NTRK3: variants seen among roughly 807,000 people sequenced by gnomAD.
The protein encoded by NTRK3 is NT-3 growth factor receptor.
Under a neutral mutation model 91.7 loss-of-function variants are expected in NTRK3, and 24 were observed. The ratio of observed to expected loss-of-function variants is 0.26; its 90% CI spans 0.19 to 0.37. The LOEUF (loss-of-function observed/expected upper bound fraction) is 0.37, where lower values mean the gene tolerates loss of function less well. Among genes scored for constraint, NTRK3 ranks in the 10% least tolerant of loss-of-function variants. The probability of loss-of-function intolerance (pLI) is 1.00; values close to 1 mark genes in which losing one functional copy is unlikely to be tolerated. For synonymous variants in NTRK3, 483 were observed against 404.0 expected (o/e 1.20, Z -2.34); for missense variants, 880 against 1,068.9 (o/e 0.82, Z 2.46).
chr15:87,886,311 G>A (rs1283023193), intron 17 of NTRK3, among the ~76,000 whole-genome samples: 1 of 151,926 alleles, frequency 6.6e-6, no homozygotes, highest in African/African-American at 2.4e-5. Context: ...ACCTCTAGGA[G>A]TCTTAGAAAG....
intron 13 of NTRK3, among the ~76,000 whole-genome samples, chr15:88,059,040 TCACACACAAACA>T (rs1253546780): frequency 2.7e-4 from 39 of 142,474 alleles, no homozygotes; most frequent in African/African-American, 9.1e-4. Context: ...TTTATTTCAC[TCACACACAAACA>T]CACACACACA....
chr15:88,234,473 A>G lies in NTRK3; in HGVS notation c.248+21433T>C, dbSNP rs573774012. On this transcript the variant is annotated intron_variant, in intron 3 of 18. Transcript: ENST00000394480. The surrounding 1 kb of genome is among the most constrained non-coding windows in gnomAD (Gnocchi z 6.1). ...TCCCCAGCCAGAATGAACTTTCTTC[A>G]GCTTCTTAAAGACACCATTGCTTCA... Among the ~76,000 whole-genome samples the G allele has an allele frequency of 6.6e-6, 1 of 152,278 alleles. No individual in the cohort carries two copies. Among genetic ancestry groups the G allele is most frequent in the East Asian group, 1.9e-4 (1 of 5,172 alleles).
At chr15:87,938,293 T>G (rs1323375422) in intron 15 of NTRK3, among the ~76,000 whole-genome samples, 3 of 152,218 alleles carry the variant, frequency 2.0e-5, no homozygotes, top group African/African-American at 7.2e-5. Context: ...TTGGGAAAAC[T>G]TTATTGTGGG....
intron 3 of NTRK3, among the ~76,000 whole-genome samples, chr15:88,193,862 C>T (rs1158906668): frequency 6.6e-6 from 1 of 152,198 alleles, no homozygotes; most frequent in Non-Finnish European, 1.5e-5. Context: ...TCCATGTCCT[C>T]CTCCAGCTAC....
At chr15:88,070,428 T>G (rs28673497) in intron 13 of NTRK3, among the ~76,000 whole-genome samples, 14,307 of 151,960 alleles carry the variant, frequency 0.094, 1,106 homozygotes, top group African/African-American at 0.22. Context: ...TTCTGGCCAT[T>G]CACATACAGA....
chr15:88,065,582 CAG>C (rs2046580801), intron 13 of NTRK3, among the ~76,000 whole-genome samples: 1 of 152,154 alleles, frequency 6.6e-6, no homozygotes, highest in South Asian at 2.1e-4. Context: ...ATACCCCTAC[CAG>C]ATGCCATCTG....
rs114621543 is a variant in NTRK3, at chr15:88,146,435, A to G, written c.464+900T>C. ...TGCGTCACCAAGTAAGAGGGAACAC[A>G]TGAGCGGTGTCTCTGGAACCCTGAC... On this transcript the variant is annotated intron_variant, in intron 6 of 18. Transcript: ENST00000394480. Among the ~76,000 whole-genome samples the G allele has an allele frequency of 9.1e-3, 1,383 of 152,350 alleles. 30 individuals carry two copies. Among genetic ancestry groups the G allele is most frequent in the African/African-American group, 0.031 (1,297 of 41,570 alleles).
At chr15:87,907,931 G>A (rs2066867511) in intron 17 of NTRK3, among the ~76,000 whole-genome samples, 1 of 152,136 alleles carries the variant, frequency 6.6e-6, no homozygotes, top group Non-Finnish European at 1.5e-5. Context: ...AGTCACAGAG[G>A]ATCTGTAGTG....
Position 87,880,264 on chromosome 15 carries a change from T to G in NTRK3, c.2292+6A>C. ...CAATCAAGATTCCTACGCACCCCCT[T>G]TTTACCTCCGTGTTTGAGAGTTGGA... On this transcript the variant is annotated splice_donor_region_variant and intron_variant, in intron 18 of 18. Coordinates refer to ENST00000394480, the Ensembl canonical transcript of NTRK3. The G allele has an allele frequency of 6.2e-7, 1 of 1,613,962 alleles. No homozygotes were observed. The highest frequency in any genetic ancestry group is 8.5e-7 in the Non-Finnish European group (1 of 1,179,980).
chr15:88,128,605 A>C, intron 11 of NTRK3, 106 bp downstream of exon 11: 1 of 1,203,690 alleles, frequency 8.3e-7, no homozygotes, highest in Non-Finnish European at 1.2e-6. Context: ...CTCAGCTGCC[A>C]TGGGCCAGGG....
intron 3 of NTRK3, among the ~76,000 whole-genome samples, chr15:88,239,228 G>A (rs539331419): frequency 4.6e-5 from 7 of 151,434 alleles, no homozygotes; most frequent in South Asian, 2.1e-4. Flanking sequence ...GCCGGATCAC[G>A]AGACTGAGAG....
chr15:88,242,079 G>A (rs923408724), intron 3 of NTRK3, among the ~76,000 whole-genome samples: 1 of 152,160 alleles, frequency 6.6e-6, no homozygotes, highest in African/African-American at 2.4e-5. Context: ...CCTGGGAAGA[G>A]CACGTAGCCA....
chr15:87,995,566 C>T (rs998297342), intron 14 of NTRK3, among the ~76,000 whole-genome samples: 1 of 152,112 alleles, frequency 6.6e-6, no homozygotes, highest in Non-Finnish European at 1.5e-5. Flanking sequence ...AGCTTGGGGG[C>T]AGATCATGAA....
intron 13 of NTRK3, among the ~76,000 whole-genome samples, chr15:88,034,070 T>G (rs915326792): frequency 2.8e-4 from 43 of 152,110 alleles, no homozygotes; most frequent in African/African-American, 1.0e-3. Flanking sequence ...CTAGAGCCTC[T>G]CCAGCTGGCC....
chr15:88,248,891 A>G (rs1173445150), intron 3 of NTRK3, among the ~76,000 whole-genome samples: 5 of 152,228 alleles, frequency 3.3e-5, no homozygotes, highest in Admixed American at 6.5e-5. Context: ...TTAGCCAGAC[A>G]TGACCCAGGG....
intron 5 of NTRK3, among the ~76,000 whole-genome samples, chr15:88,179,845 AGAG>A (rs147455991): frequency 1.0e-3 from 152 of 152,346 alleles, no homozygotes; most frequent in Admixed American, 1.8e-3. Flanking sequence ...AGGGGATAAA[AGAG>A]GAGAATAGAG....
intron 14 of NTRK3, among the ~76,000 whole-genome samples, chr15:88,028,104 G>C (rs975824426): frequency 1.3e-5 from 2 of 148,912 alleles, no homozygotes; most frequent in East Asian, 4.2e-4. Context: ...TGATGATCTG[G>C]AAAGAAGGAA....
At chr15:88,016,950 G>A (rs1189618572) in intron 14 of NTRK3, among the ~76,000 whole-genome samples, 8 of 97,976 alleles carry the variant, frequency 8.2e-5, no homozygotes, top group Admixed American at 1.4e-4. Context: ...TGGAAGAGAC[G>A]AAGCTTAAAA....
At chr15:88,000,290 C>G (rs2076007587) in intron 14 of NTRK3, among the ~76,000 whole-genome samples, 1 of 152,194 alleles carries the variant, frequency 6.6e-6, no homozygotes, top group East Asian at 1.9e-4. Flanking sequence ...TGGCCCCAGC[C>G]CCCTCCTCTG....
Sources: gnomAD v4.1 joint callset for allele counts (sites outside exome capture counted in the v4.1 genomes callset) on GRCh38, gnomAD v4.1.1 for gene constraint, Gnocchi (gnomAD v3.1) non-coding constraint, MANE v1.5 for transcripts, NCBI Gene and HGNC (gene_info 2026-07-23, HGNC 2026-07-21) for gene names.